The following CACNA2D1 variants were observed in gnomAD, a reference collection of about 807,000 sequenced individuals.
CACNA2D1 encodes the protein voltage-dependent calcium channel subunit alpha-2/delta-1.
In CACNA2D1, 53 loss-of-function variants were observed where a neutral mutation model predicts 171.5. The observed-to-expected ratio is 0.31, with a 90% CI of 0.25 to 0.39. The LOEUF is 0.39. Among genes scored for constraint, CACNA2D1 ranks in the 10% least tolerant of loss-of-function variants. The probability of loss-of-function intolerance (pLI) is 1.00; values close to 1 mark genes in which losing one functional copy is unlikely to be tolerated. For missense variants in CACNA2D1, 903 were observed against 1,299.8 expected, an observed-to-expected ratio of 0.69 and a Z score of 4.69; for synonymous variants, 442 against 443.1, an observed-to-expected ratio of 1.00 and a Z score of 0.03.
intron 3 of CACNA2D1, among the ~76,000 whole-genome samples, chr7:82,218,798 T>G (rs1801451295): frequency 6.6e-6 from 1 of 152,156 alleles, no homozygotes; most frequent in South Asian, 2.1e-4. Context: ...ATCAATAAAC[T>G]TTATTCCTTT....
chr7:82,228,648 G>A (rs1010916700), intron 3 of CACNA2D1, among the ~76,000 whole-genome samples: 9 of 152,124 alleles, frequency 5.9e-5, no homozygotes, highest in African/African-American at 2.2e-4. Flanking sequence ...TTGAAAGAGA[G>A]GCAGTAACAA....
intron 23 of CACNA2D1, 147 bp downstream of exon 23, chr7:81,983,167 T>C (rs2130645470): frequency 1.5e-6 from 1 of 684,786 alleles, no homozygotes; most frequent in Non-Finnish European, 2.6e-6. Context: ...CTTTCTACCA[T>C]TTTTTTGCTG....
intron 3 of CACNA2D1, among the ~76,000 whole-genome samples, chr7:82,187,805 A>G (rs1797914157): frequency 1.3e-5 from 2 of 152,154 alleles, no homozygotes. Flanking sequence ...AACTTAAACA[A>G]CAAGCATTTA....
rs559079892 is a variant in CACNA2D1, at chr7:82,152,231, G to A, written c.355-15555C>T. ...AACCACATTTATATTAATATAATTC[G>A]CCTATTGTCTAGAAATTGTTTAGAG... is the stretch of plus-strand genomic sequence containing the variant. On this transcript the variant is annotated intron_variant, in intron 4 of 38. Coordinates refer to ENST00000356860, the MANE Select transcript of CACNA2D1 (RefSeq NM_000722.4). 9.3e-4 allele frequency among the ~76,000 whole-genome samples: 141 copies of A among 151,140 alleles called. 1 individual carries two copies. The highest frequency in any genetic ancestry group is 2.7e-3 in the South Asian group (13 of 4,770).
At chr7:82,281,448 G>T (rs1388048837) in intron 3 of CACNA2D1, among the ~76,000 whole-genome samples, 1 of 152,174 alleles carries the variant, frequency 6.6e-6, no homozygotes, top group African/African-American at 2.4e-5. Flanking sequence ...ACAAGACAAT[G>T]TGGACATATA....
Position 81,950,457 on chromosome 7 carries a change from A to T in CACNA2D1, c.3211T>A (p.Tyr1071Asn). ...AGTAGAAACTGGATTCCAATGATAT[A>T]CCACAGGGAGGGATTTAATCCAGAA... ...GVSGLNPSLW[Y>N]IIGIQFLLLW... Residue 1071 changes from tyrosine to asparagine, a missense_variant, in exon 39 of 39, where the codon TAT becomes AAT. Tyr to Asn is a moderately radical substitution (Grantham distance 143). This residue lies in a region of CACNA2D1 where 38 missense variants were observed against 29.2 expected (regional missense o/e 1.30). Coordinates refer to ENST00000356860, the MANE Select transcript of CACNA2D1 (RefSeq NM_000722.4). 2 of 1,613,232 alleles carry T rather than the reference A, an allele frequency of 1.2e-6. No homozygotes were observed. The highest frequency in any genetic ancestry group is 1.7e-6 in the Non-Finnish European group (2 of 1,179,598).
At chr7:82,015,375 C>T (rs993337028) in intron 12 of CACNA2D1, among the ~76,000 whole-genome samples, 1 of 151,984 alleles carries the variant, frequency 6.6e-6, no homozygotes, top group African/African-American at 2.4e-5. Context: ...ATTCTAAGCT[C>T]CTAGGATTTT....
intron 18 of CACNA2D1, among the ~76,000 whole-genome samples, chr7:82,000,254 C>G (rs914176491): frequency 2.0e-5 from 3 of 151,700 alleles, no homozygotes; most frequent in Non-Finnish European, 2.9e-5. Flanking sequence ...TGAGACCCAT[C>G]TCAGAAAAAA....
chr7:82,234,036 T>C (rs543903834), intron 3 of CACNA2D1, among the ~76,000 whole-genome samples: 1 of 152,112 alleles, frequency 6.6e-6, no homozygotes, highest in Non-Finnish European at 1.5e-5. Context: ...AATTATTAAT[T>C]GAAGTATGCA....
At chr7:82,067,496 C>A (rs989491582) in intron 7 of CACNA2D1, among the ~76,000 whole-genome samples, 3 of 152,114 alleles carry the variant, frequency 2.0e-5, no homozygotes, top group Admixed American at 6.5e-5. Context: ...AAACTATATA[C>A]AATGAAACTC....
Position 81,968,975 on chromosome 7 carries a change from TAAA to T in CACNA2D1, c.2309-5_2309-3del. 1 of 1,400,814 alleles carries T rather than the reference TAAA, an allele frequency of 7.1e-7. No individual in the cohort carries two copies. The highest frequency in any genetic ancestry group is 9.9e-7 in the Non-Finnish European group (1 of 1,014,496). The allele number at this position is 1,400,814 out of a possible 1,614,324, so 86.8% of individuals were successfully genotyped here. A position where few individuals can be genotyped will look rare whatever the true frequency, so the allele number is the denominator to read the frequency against. On this transcript the variant is annotated splice_region_variant and splice_polypyrimidine_tract_variant and intron_variant, in intron 28 of 38. Transcript: ENST00000356860. Reference sequence around the variant, plus strand: ...ATTCATAGGCACCAGGTCCACTTTCTAAAAAAAAAATAAATAAATAAAACACCT... The same window carrying T: ...ATTCATAGGCACCAGGTCCACTTTCTAAAAAAATAAATAAATAAAACACCT...
chr7:82,226,874 G>A (rs1251009549), intron 3 of CACNA2D1, among the ~76,000 whole-genome samples: 1 of 152,116 alleles, frequency 6.6e-6, no homozygotes, highest in African/African-American at 2.4e-5. Context: ...ATCAGGCACT[G>A]TGCCCAGTTT....
At chr7:82,162,363 C>T (rs1795031906) in intron 4 of CACNA2D1, among the ~76,000 whole-genome samples, 1 of 151,540 alleles carries the variant, frequency 6.6e-6, no homozygotes, top group Admixed American at 6.6e-5. Flanking sequence ...AGTGAAAAAA[C>T]TTTTTGATTA....
intron 1 of CACNA2D1, among the ~76,000 whole-genome samples, chr7:82,426,056 G>C (rs1407313566): frequency 6.6e-6 from 1 of 151,484 alleles, no homozygotes; most frequent in Admixed American, 6.6e-5. Flanking sequence ...ACTCAAACCT[G>C]GGAGGCGGAG....
intron 9 of CACNA2D1, among the ~76,000 whole-genome samples, chr7:82,063,036 A>T (rs941989071): frequency 1.3e-5 from 2 of 152,010 alleles, no homozygotes; most frequent in Admixed American, 1.3e-4. Flanking sequence ...GTGAGTAACC[A>T]CGTCTGGTCT....
intron 3 of CACNA2D1, among the ~76,000 whole-genome samples, chr7:82,224,701 C>T (rs1030502344): frequency 2.0e-5 from 3 of 152,282 alleles, no homozygotes; most frequent in Non-Finnish European, 4.4e-5. Flanking sequence ...GTGAACTGCT[C>T]CTGTTCATCA....
At chr7:82,418,645 T>TAA (rs1293846529) in intron 1 of CACNA2D1, among the ~76,000 whole-genome samples, 2 of 152,186 alleles carry the variant, frequency 1.3e-5, no homozygotes, top group East Asian at 3.9e-4. Context: ...TCTGTTTCTA[T>TAA]AATACACCAC....
intron 3 of CACNA2D1, among the ~76,000 whole-genome samples, chr7:82,190,450 T>C (rs1023646271): frequency 3.3e-5 from 5 of 151,798 alleles, no homozygotes; most frequent in African/African-American, 1.2e-4. Flanking sequence ...ATAGCATGGC[T>C]ACCTAATGAG....
chr7:82,329,346 A>T (rs1340859545), intron 3 of CACNA2D1, among the ~76,000 whole-genome samples: 2 of 152,170 alleles, frequency 1.3e-5, no homozygotes, highest in African/African-American at 2.4e-5. Flanking sequence ...TTACCAGGAC[A>T]ACCAGAGGGA....
Sources: allele counts gnomAD v4.1 joint callset (sites outside exome capture counted in the v4.1 genomes callset), GRCh38; gene constraint gnomAD v4.1.1; regional missense constraint gnomAD v4.1.1; transcripts MANE v1.5; gene names NCBI Gene and HGNC (gene_info 2026-07-23, HGNC 2026-07-21).